Variants in GYG2 observed in about 807,000 individuals in gnomAD.
GYG2 encodes the protein glycogenin 2, also known as glycogenin-2.
In GYG2, 29 loss-of-function variants were observed where a neutral mutation model predicts 29.4. The ratio of observed to expected loss-of-function variants is 0.99; its 90% CI spans 0.74 to 1.35. The LOEUF is 1.35. Among genes scored for constraint, GYG2 ranks in the 40% most tolerant of loss-of-function variants. The pLI, the probability that GYG2 is intolerant of heterozygous loss-of-function variation, is 0.00. For synonymous variants in GYG2, 167 were observed against 172.3 expected, an observed-to-expected ratio of 0.97 and a Z score of 0.24; for missense variants, 370 against 385.7, an observed-to-expected ratio of 0.96 and a Z score of 0.34.
intron 9 of GYG2, among the ~76,000 whole-genome samples, 198 bp from the exon 10 acceptor site, chrX:2,877,002 C>T (rs781489000): frequency 6.4e-5 from 7 of 110,210 alleles, no homozygotes; most frequent in Non-Finnish European, 1.3e-4. Context: ...AGGCTGGTCT[C>T]GAACTCCTGG....
chrX:2,833,505 A>G (rs1234048537), intron 2 of GYG2, among the ~76,000 whole-genome samples: 2 of 111,533 alleles, frequency 1.8e-5, no homozygotes, highest in African/African-American at 3.3e-5. Context: ...TTATCAATCA[A>G]TGATCACTCT....
chrX:2,881,523 G>T lies in GYG2; in HGVS notation c.*310G>T. ...ACTCTCGATGGTGGTCTCCGCTCTT[G>T]CCCGAAGGACCTCTGAAGTACGCTG... On this transcript the variant is annotated 3_prime_UTR_variant, in exon 11 of 11. Coordinates refer to ENST00000398806, the MANE Select transcript of GYG2 (RefSeq NM_001079855.2). 1 of 206,958 alleles carries T rather than the reference G, an allele frequency of 4.8e-6. No individual in the cohort carries two copies. Among genetic ancestry groups the T allele is most frequent in the East Asian group, 1.1e-4 (1 of 9,157 alleles). The allele number at this position is 206,958 out of a possible 1,213,427, so 17.1% of individuals were successfully genotyped here. A position where few individuals can be genotyped will look rare whatever the true frequency, so the allele number is the denominator to read the frequency against.
chrX:2,832,292 C>T (rs772239413), intron 2 of GYG2, among the ~76,000 whole-genome samples: 1 of 112,134 alleles, frequency 8.9e-6, no homozygotes, highest in African/African-American at 3.2e-5. Context: ...GGAGAGAGCT[C>T]GTGTGCCAAC....
intron 8 of GYG2, among the ~76,000 whole-genome samples, chrX:2,867,192 T>G (rs1223965939): frequency 2.7e-5 from 3 of 111,595 alleles, no homozygotes; most frequent in Non-Finnish European, 5.6e-5. Flanking sequence ...TTAGGGTATT[T>G]AAGCAGTTCT....
At chrX:2,870,362 TG>T (rs764628126) in intron 8 of GYG2, among the ~76,000 whole-genome samples, 1 of 110,446 alleles carries the variant, frequency 9.1e-6, no homozygotes, top group East Asian at 2.9e-4. Flanking sequence ...CCACTACACC[TG>T]GCTAATTTTT....
intron 2 of GYG2, among the ~76,000 whole-genome samples, chrX:2,832,891 C>G (rs770613680): frequency 2.7e-5 from 3 of 112,070 alleles, no homozygotes; most frequent in Non-Finnish European, 3.8e-5. Context: ...ACCCTAGTGA[C>G]TTAATTTTAT....
At chrX:2,867,229 C>T (rs1451258943) in intron 8 of GYG2, among the ~76,000 whole-genome samples, 2 of 111,506 alleles carry the variant, frequency 1.8e-5, no homozygotes, top group Non-Finnish European at 3.8e-5. Flanking sequence ...ACCTGTATCT[C>T]CCATCTCAGG....
intron 7 of GYG2, among the ~76,000 whole-genome samples, chrX:2,860,414 T>G (rs2088132363): frequency 9.0e-6 from 1 of 110,722 alleles, no homozygotes; most frequent in African/African-American, 3.3e-5. Context: ...AACCATCATT[T>G]GAGATAGCAG....
At chrX:2,862,376 C>G (rs768693642) in intron 8 of GYG2, among the ~76,000 whole-genome samples, 117 of 111,729 alleles carry the variant, frequency 1.0e-3, no homozygotes, top group Non-Finnish European at 1.8e-3. Flanking sequence ...TCTTACATAG[C>G]AGCCTCAAAA....
chrX:2,846,136 G>C (rs1481966799), intron 3 of GYG2, among the ~76,000 whole-genome samples: 1 of 85,430 alleles, frequency 1.2e-5, no homozygotes, highest in Non-Finnish European at 2.2e-5. Flanking sequence ...GCGCGATCTT[G>C]GCTCAGTGCA....
chrX:2,866,681 T>G (rs1365620918), intron 8 of GYG2, among the ~76,000 whole-genome samples: 1 of 111,527 alleles, frequency 9.0e-6, no homozygotes, highest in Non-Finnish European at 1.9e-5. Context: ...TATTGTATGT[T>G]CCCAAAAGAA....
At chrX:2,869,978 T>C (rs1205708796) in intron 8 of GYG2, among the ~76,000 whole-genome samples, 3 of 111,417 alleles carry the variant, frequency 2.7e-5, no homozygotes, top group East Asian at 5.6e-4. Context: ...TGAATATTAA[T>C]TTTTTCCACA....
intron 2 of GYG2, among the ~76,000 whole-genome samples, chrX:2,835,106 TG>T (rs1310326484): frequency 9.1e-6 from 1 of 110,444 alleles, no homozygotes; most frequent in Non-Finnish European, 1.9e-5. Context: ...TTGCGGGGGG[TG>T]GTGCCAGGTC....
At chrX:2,878,216 G>T (rs1364818747) in intron 10 of GYG2, 1 of 743,053 alleles carries the variant, frequency 1.3e-6, no homozygotes, top group East Asian at 1.5e-4. Flanking sequence ...TAAGACCTAC[G>T]TTGGACAGCT....
chrX:2,878,392 G>T (rs894206208), intron 10 of GYG2: 1 of 119,266 alleles, frequency 8.4e-6, no homozygotes, highest in Non-Finnish European at 1.7e-5. Flanking sequence ...AGCCTTCCAA[G>T]GAAATGGAAC....
chrX:2,854,253 G>A lies in GYG2; in HGVS notation c.324+99G>A, dbSNP rs148507399. ...TTTTTTGTGTGTGTGTGACACAGTC[G>A]CTCTGTCACCCAAGCTGGAGTGCAA... On this transcript the variant is annotated intron_variant, in intron 4 of 10. Coordinates refer to ENST00000398806, the MANE Select transcript of GYG2 (RefSeq NM_001079855.2). The A allele has an allele frequency of 2.9e-4, 157 of 549,661 alleles. 2 individuals are homozygous for A. In the East Asian group the frequency reaches 5.7e-3, roughly 20 times the overall value. 45.3% of individuals were successfully genotyped at this position (549,661 alleles called of 1,213,427 possible). A position where few individuals can be genotyped will look rare whatever the true frequency, so the allele number is the denominator to read the frequency against.
intron 3 of GYG2, among the ~76,000 whole-genome samples, chrX:2,843,817 T>G (rs2087560844): frequency 9.0e-6 from 1 of 111,316 alleles, no homozygotes; most frequent in African/African-American, 3.3e-5. Context: ...ATGTTTTGTA[T>G]TTTTGGTAGA....
chrX:2,857,660 A>G (rs1015163052), intron 6 of GYG2, among the ~76,000 whole-genome samples: 1 of 110,551 alleles, frequency 9.0e-6, no homozygotes, highest in Non-Finnish European at 1.9e-5. Flanking sequence ...GTATCTATCT[A>G]TATACGTCTT....
At chrX:2,875,451 T>G (rs1047233879) in intron 8 of GYG2, among the ~76,000 whole-genome samples, 1 of 110,231 alleles carries the variant, frequency 9.1e-6, no homozygotes, top group African/African-American at 3.3e-5. Context: ...TGGCTGGTGG[T>G]AGAAGAGAGG....
Sources: gnomAD v4.1 joint callset for allele counts (sites outside exome capture counted in the v4.1 genomes callset) on GRCh38, gnomAD v4.1.1 for gene constraint, MANE v1.5 for transcripts, NCBI Gene and HGNC (gene_info 2026-07-23, HGNC 2026-07-21) for gene names.